Variants in PAK5 observed in about 807,000 individuals in gnomAD.
PAK5 encodes the protein p21 (RAC1) activated kinase 5.
In PAK5, 16 loss-of-function variants were observed where a neutral mutation model predicts 65.9. That is an observed-to-expected ratio of 0.24 (90% confidence interval 0.16 to 0.37). PAK5 has a LOEUF of 0.37. Among genes scored for constraint, PAK5 ranks in the 10% least tolerant of loss-of-function variants. The pLI, the probability that PAK5 is intolerant of heterozygous loss-of-function variation, is 1.00. For missense variants in PAK5, 785 were observed against 903.9 expected (o/e 0.87, Z 1.69); for synonymous variants, 371 against 354.9 (o/e 1.05, Z -0.51).
intron 1 of PAK5, among the ~76,000 whole-genome samples, chr20:9,821,122 C>T (rs1834211547): frequency 6.6e-6 from 1 of 152,146 alleles, no homozygotes; most frequent in Non-Finnish European, 1.5e-5. Flanking sequence ...TGGCTTACAC[C>T]TGTAATCCAG....
intron 1 of PAK5, among the ~76,000 whole-genome samples, chr20:9,737,223 T>A (rs2048399626): frequency 6.6e-6 from 1 of 152,160 alleles, no homozygotes; most frequent in Non-Finnish European, 1.5e-5. Flanking sequence ...GATATCAGAT[T>A]GGATAAAAAA....
chr20:9,781,654 T>C (rs921492327), intron 1 of PAK5, among the ~76,000 whole-genome samples: 6 of 152,128 alleles, frequency 3.9e-5, no homozygotes, highest in South Asian at 2.1e-4. Flanking sequence ...GCTGTCTCCA[T>C]TGAGGGGATG....
intron 1 of PAK5, among the ~76,000 whole-genome samples, chr20:9,824,542 G>A (rs2049462033): frequency 6.6e-6 from 1 of 152,192 alleles, no homozygotes. Flanking sequence ...GGTCTTTGCA[G>A]GAGACAAATC....
At chr20:9,552,598 A>G (rs1363909558) in intron 7 of PAK5, among the ~76,000 whole-genome samples, 1 of 152,190 alleles carries the variant, frequency 6.6e-6, no homozygotes, top group East Asian at 1.9e-4. Context: ...TAATTGAATG[A>G]TTTACTTTTA....
At chr20:9,655,066 C>T (rs1293319787) in intron 2 of PAK5, among the ~76,000 whole-genome samples, 8 of 152,180 alleles carry the variant, frequency 5.3e-5, no homozygotes, top group Non-Finnish European at 1.2e-4. Context: ...AGTTATCTAG[C>T]TCAGTTTCCC....
intron 2 of PAK5, among the ~76,000 whole-genome samples, chr20:9,658,162 T>A (rs191306649): frequency 6.6e-6 from 1 of 152,346 alleles, no homozygotes; most frequent in Non-Finnish European, 1.5e-5. Context: ...GATTAGTTGA[T>A]CAGTTAGCTT....
chr20:9,821,099 T>C (rs577154170), intron 1 of PAK5, among the ~76,000 whole-genome samples: 83 of 152,238 alleles, frequency 5.5e-4, no homozygotes, highest in African/African-American at 2.0e-3. Context: ...CCAATGATAA[T>C]GGCCAGGTGC....
chr20:9,656,495 C>T (rs1235698337), intron 2 of PAK5, among the ~76,000 whole-genome samples: 1 of 152,078 alleles, frequency 6.6e-6, no homozygotes, highest in Non-Finnish European at 1.5e-5. Flanking sequence ...TTTATCACTC[C>T]TACAAAAATA....
intron 1 of PAK5, among the ~76,000 whole-genome samples, chr20:9,746,788 A>G (rs2123603428): frequency 6.6e-6 from 1 of 152,308 alleles, no homozygotes; most frequent in Non-Finnish European, 1.5e-5. Flanking sequence ...CAAAAGCAAG[A>G]GCAAACACAT....
chr20:9,632,222 T>A lies in PAK5; in HGVS notation c.204+11903A>T, dbSNP rs544952097. Among the ~76,000 whole-genome samples, 17 of 152,284 alleles carry A rather than the reference T, an allele frequency of 1.1e-4. 1 individual carries two copies. Among genetic ancestry groups the A allele is most frequent in the African/African-American group, 3.6e-4 (15 of 41,568 alleles). ...AGCTATCAAAGCACAGCTGTCCTTA[T>A]TTGATGAGTTCAGCTTTCAGGAGTT... On this transcript the variant is annotated intron_variant, in intron 3 of 9. Coordinates refer to ENST00000353224, the MANE Select transcript of PAK5 (RefSeq NM_177990.4).
intron 5 of PAK5, among the ~76,000 whole-genome samples, chr20:9,565,217 A>G (rs1446389365): frequency 6.6e-6 from 1 of 152,112 alleles, no homozygotes; most frequent in Admixed American, 6.5e-5. Flanking sequence ...ATATATAATT[A>G]TCTCAAACAA....
chr20:9,812,123 C>T (rs773922896), intron 1 of PAK5, among the ~76,000 whole-genome samples: 8 of 152,100 alleles, frequency 5.3e-5, no homozygotes, highest in Non-Finnish European at 8.8e-5. Flanking sequence ...TGAGCACCAA[C>T]ATGTGCCAAT....
At chr20:9,570,483 T>C (rs6039507) in intron 4 of PAK5, among the ~76,000 whole-genome samples, 121,015 of 145,286 alleles carry the variant, frequency 0.83, 54,055 homozygotes, top group South Asian at 0.94. Context: ...TGTGTGTGTA[T>C]GATGGAATGG....
intron 1 of PAK5, among the ~76,000 whole-genome samples, chr20:9,733,820 G>T (rs2048360130): frequency 6.6e-6 from 1 of 152,168 alleles, no homozygotes. Flanking sequence ...AGACTGGCAA[G>T]AATTCAGGAA....
chr20:9,557,631 T>C lies in PAK5; in HGVS notation c.1720A>G (p.Ile574Val). 1 of 1,611,746 alleles carries C rather than the reference T, an allele frequency of 6.2e-7. No individual in the cohort carries two copies. The highest frequency in any genetic ancestry group is 8.5e-7 in the Non-Finnish European group (1 of 1,178,932). The part of the protein sequence containing the change: ...VIHRDIKSDS[I>V]LLTSDGRIKL... The stretch of plus-strand genomic sequence containing the variant: ...ACCCGGCCATCGCTTGTCAGGAGGA[T>C]GGAGTCACTTTTTATGTCCCTGTGA... Residue 574 changes from isoleucine to valine, a missense_variant, in exon 7 of 10, where the codon ATC becomes GTC. Transcript: ENST00000353224.
rs182003041 is a variant in PAK5, at chr20:9,725,916, G to A, written c.-161-14481C>T. 2.6e-5 allele frequency among the ~76,000 whole-genome samples: 4 copies of A among 151,892 alleles called. No individual in the cohort carries two copies. In the East Asian group the frequency reaches 5.8e-4, roughly 22 times the overall value. On this transcript the variant is annotated intron_variant, in intron 1 of 9. Transcript: ENST00000353224. ...AAATAACAAATTATGACTCCAAAAG[G>A]CATTTTTTAAAATTTCAGTAATAAG... is the stretch of plus-strand genomic sequence containing the variant.
intron 1 of PAK5, among the ~76,000 whole-genome samples, chr20:9,821,109 C>T (rs761808081): frequency 7.2e-5 from 11 of 152,114 alleles, no homozygotes; most frequent in Non-Finnish European, 1.0e-4. Context: ...TGGCCAGGTG[C>T]GATGGCTTAC....
At chr20:9,552,247 C>T (rs942072570) in intron 7 of PAK5, among the ~76,000 whole-genome samples, 8 of 152,158 alleles carry the variant, frequency 5.3e-5, no homozygotes, top group African/African-American at 9.7e-5. Context: ...TTGGACTTAG[C>T]GGGTCATGGG....
At chr20:9,599,833 T>C (rs1466217888) in intron 3 of PAK5, among the ~76,000 whole-genome samples, 1 of 152,206 alleles carries the variant, frequency 6.6e-6, no homozygotes, top group Non-Finnish European at 1.5e-5. Context: ...TGTAATTCAG[T>C]GCAAAAAGTT....
Sources: gnomAD v4.1 joint callset for allele counts (sites outside exome capture counted in the v4.1 genomes callset) on GRCh38, gnomAD v4.1.1 for gene constraint, MANE v1.5 for transcripts, NCBI Gene and HGNC (gene_info 2026-07-23, HGNC 2026-07-21) for gene names.